The following NIPBL variants were observed in gnomAD, a reference collection of about 807,000 sequenced individuals.
NIPBL encodes NIPBL cohesin loading factor, also known as nipped-B-like protein.
A neutral mutation model predicts 321.8 loss-of-function variants in NIPBL; 19 were observed. That is an observed-to-expected ratio of 0.06 (90% CI 0.04 to 0.09). The LOEUF is 0.09. Ranked by LOEUF, NIPBL falls within the 10% of genes least tolerant of loss-of-function variation. The pLI is 1.00. For missense variants in NIPBL, 2,210 were observed against 3,327.0 expected (o/e 0.66, Z 8.26); for synonymous variants, 1,106 against 1,114.1 (o/e 0.99, Z 0.14).
chr5:36,914,135 A>G (rs1748267538), intron 1 of NIPBL, among the ~76,000 whole-genome samples: 1 of 152,224 alleles, frequency 6.6e-6, no homozygotes, highest in African/African-American at 2.4e-5. Context: ...GCCGTTAAAT[A>G]TTTCAGCCAT....
chr5:36,944,389 G>C (rs558357615), intron 1 of NIPBL, among the ~76,000 whole-genome samples: 1 of 151,884 alleles, frequency 6.6e-6, no homozygotes, highest in Non-Finnish European at 1.5e-5. Context: ...CTTACCTATT[G>C]GGAGAGTTTC....
In NIPBL at chr5:36,971,184, T is replaced by TA. The variant is rs1020022774; in HGVS notation, c.771+149dup. On this transcript the variant is annotated intron_variant, in intron 7 of 46. Transcript: ENST00000282516. ...ACATGGCTCCTGCACATACAGAGCT[T>TA]AGTCTAGAGCAGGATTGGTCAAGTG... is the stretch of plus-strand genomic sequence containing the variant. The TA allele has an allele frequency of 1.1e-4, 79 of 717,312 alleles. No homozygotes were observed. In the African/African-American group the frequency reaches 1.2e-3, roughly 11 times the overall value. The allele number at this position is 717,312 out of a possible 1,614,324, so 44.4% of individuals were successfully genotyped here.
chr5:37,032,720 A>G (rs1488885351), intron 32 of NIPBL, among the ~76,000 whole-genome samples: 1 of 152,182 alleles, frequency 6.6e-6, no homozygotes, highest in Non-Finnish European at 1.5e-5. Flanking sequence ...GGCTGCAGTG[A>G]ACTATGATTG....
chr5:36,930,374 T>C (rs550484180), intron 1 of NIPBL, among the ~76,000 whole-genome samples: 22 of 152,174 alleles, frequency 1.4e-4, no homozygotes, highest in African/African-American at 4.3e-4. Flanking sequence ...AATATAGAAA[T>C]ACAACTGATT....
chr5:36,970,455 G>A (rs1742731938), intron 6 of NIPBL, among the ~76,000 whole-genome samples: 1 of 148,076 alleles, frequency 6.8e-6, no homozygotes, highest in Non-Finnish European at 1.5e-5. Flanking sequence ...ATATTAAATG[G>A]AAAAACAAGT....
chr5:37,028,423 C>T (rs1750574341), intron 32 of NIPBL, among the ~76,000 whole-genome samples: 1 of 146,006 alleles, frequency 6.8e-6, no homozygotes, highest in African/African-American at 2.6e-5. Context: ...TCACTGCAAC[C>T]TCCGCCTCCT....
At position 37,052,422 on chromosome 5, in the gene NIPBL, A is replaced by G. The variant is rs779759181; in HGVS notation, c.7119A>G (p.Thr2373=). ...ACCAGGTACAACAGGCAATCAACACATGCCTAAAAGATCCTGTAAGGGGTT... is the reference window on the plus strand; with the variant it reads ...ACCAGGTACAACAGGCAATCAACACGTGCCTAAAAGATCCTGTAAGGGGTT... ...MSYQVQQAIN[T]CLKDPVRGFR... The change falls in exon 42 of 47, where the codon ACA becomes ACG. Residue 2373 remains threonine (T), a synonymous_variant. Transcript: ENST00000282516. 7.4e-6 allele frequency: 12 copies of G among 1,613,978 alleles called. No homozygotes were observed. In the African/African-American group the frequency reaches 1.5e-4, roughly 20 times the overall value.
At chr5:36,942,263 C>G (rs1371988559) in intron 1 of NIPBL, among the ~76,000 whole-genome samples, 3 of 150,770 alleles carry the variant, frequency 2.0e-5, no homozygotes, top group African/African-American at 7.3e-5. Flanking sequence ...TAAAGCCCGT[C>G]TCTACTAAAA....
At position 37,033,685 on chromosome 5, in the gene NIPBL, T is replaced by C. The variant is rs1341848269; in HGVS notation, c.5863-2694T>C. Among the ~76,000 whole-genome samples, 13 of 65,044 alleles carry C rather than the reference T, an allele frequency of 2.0e-4. No individual in the cohort carries two copies. In the East Asian group the frequency reaches 3.3e-3, roughly 17 times the overall value. The allele number at this position is 65,044 out of a possible 152,430, so 42.7% of individuals were successfully genotyped here. ...TTACATATGTGTGTGTATATGTACA[T>C]ACACACACACACACACACACATATA... On this transcript the variant is annotated intron_variant, in intron 32 of 46. Transcript: ENST00000282516.
intron 25 of NIPBL, among the ~76,000 whole-genome samples, chr5:37,019,633 TA>T (rs2149695430): frequency 6.6e-6 from 1 of 152,312 alleles, no homozygotes; most frequent in Admixed American, 6.5e-5. Flanking sequence ...ACAAGAGAAA[TA>T]TTTGGAAGTC....
chr5:37,008,903 A>T (rs536631390), intron 20 of NIPBL, among the ~76,000 whole-genome samples, 180 bp downstream of exon 20: 20 of 152,338 alleles, frequency 1.3e-4, no homozygotes, highest in African/African-American at 4.8e-4. Flanking sequence ...GGGCTTAGAA[A>T]ACTTCACTGA....
At chr5:37,002,441 AAAGAT>A (rs1304832186) in intron 14 of NIPBL, among the ~76,000 whole-genome samples, 2 of 152,206 alleles carry the variant, frequency 1.3e-5, no homozygotes, top group Non-Finnish European at 2.9e-5. Context: ...CTAAAGTAGT[AAAGAT>A]AAGATATCTA....
intron 1 of NIPBL, among the ~76,000 whole-genome samples, chr5:36,934,253 CAAAAATTAATTTTT>C: frequency 6.6e-6 from 1 of 152,004 alleles, no homozygotes; most frequent in African/African-American, 2.4e-5. Context: ...GGAAAGATTT[CAAAAATTAATTTTT>C]AAAAATTAAT....
chr5:37,022,401 C>G lies in NIPBL; in HGVS notation c.5574+11C>G. 6.3e-7 allele frequency: 1 copy of G among 1,593,554 alleles called. No individual in the cohort carries two copies. The highest frequency in any genetic ancestry group is 8.6e-7 in the Non-Finnish European group (1 of 1,166,184). On this transcript the variant is annotated intron_variant, in intron 29 of 46. Coordinates refer to ENST00000282516, the MANE Select transcript of NIPBL (RefSeq NM_133433.4). The stretch of plus-strand genomic sequence containing the variant: ...ATTGAAAGAATATTGGTATGTTTGT[C>G]ATTTTTATAATGATTCGTGAATATA...
chr5:37,006,335 C>A (rs749885129), intron 16 of NIPBL, 22 bp from the exon 17 acceptor site: 1 of 1,265,154 alleles, frequency 7.9e-7, no homozygotes, highest in Non-Finnish European at 1.2e-6. Flanking sequence ...ATTTCCATTT[C>A]ATTAACAATA....
At position 36,955,455 on chromosome 5, in the gene NIPBL, G is replaced by T; in HGVS notation, c.65-17G>T. 2.5e-6 allele frequency: 4 copies of T among 1,607,250 alleles called. No homozygotes were observed. In the South Asian group the frequency reaches 4.4e-5, roughly 18 times the overall value. On this transcript the variant is annotated splice_polypyrimidine_tract_variant and intron_variant, in intron 2 of 46. Coordinates refer to ENST00000282516, the MANE Select transcript of NIPBL (RefSeq NM_133433.4). ...ATAGTCACTCAATTTCTAATAATCT[G>T]ATTTTATTCCAAATAGTCCTGAACC...
intron 1 of NIPBL, among the ~76,000 whole-genome samples, chr5:36,940,601 C>T (rs546783927): frequency 2.0e-5 from 3 of 152,230 alleles, no homozygotes; most frequent in Admixed American, 6.5e-5. Context: ...CCTCCCCAAA[C>T]GTAAGTTTAG....
chr5:37,046,808 G>A (rs1000981245), intron 38 of NIPBL, among the ~76,000 whole-genome samples: 3 of 152,084 alleles, frequency 2.0e-5, no homozygotes, highest in Non-Finnish European at 4.4e-5. Flanking sequence ...GGAAATAGGA[G>A]GTGAATGGCA....
At chr5:36,956,520 A>G (rs1246539834) in intron 3 of NIPBL, among the ~76,000 whole-genome samples, 1 of 151,932 alleles carries the variant, frequency 6.6e-6, no homozygotes, top group Non-Finnish European at 1.5e-5. Context: ...GGATTTTCTA[A>G]TGGAGAAGCT....
Sources: gnomAD v4.1 joint callset for allele counts (sites outside exome capture counted in the v4.1 genomes callset) on GRCh38, gnomAD v4.1.1 for gene constraint, MANE v1.5 for transcripts, NCBI Gene and HGNC (gene_info 2026-07-23, HGNC 2026-07-21) for gene names.